SLC38A1: variants seen among roughly 807,000 people sequenced by gnomAD.
SLC38A1 encodes the protein solute carrier family 38 member 1, also known as sodium-coupled neutral amino acid symporter 1.
SLC38A1 carries 18 observed loss-of-function variants against 60.3 expected under a neutral mutation model. The ratio of observed to expected loss-of-function variants is 0.30; its 90% CI spans 0.21 to 0.44. The LOEUF (loss-of-function observed/expected upper bound fraction) is 0.44, where lower values mean the gene tolerates loss of function less well. SLC38A1 is among the 20% of genes least tolerant of loss of function. The pLI is 1.00. For missense variants in SLC38A1, 448 were observed against 587.2 expected (o/e 0.76, Z 2.45); for synonymous variants, 196 against 212.1 (o/e 0.92, Z 0.66).
intron 3 of SLC38A1, among the ~76,000 whole-genome samples, chr12:46,235,527 T>C (rs962687): frequency 6.6e-6 from 1 of 152,104 alleles, no homozygotes; most frequent in Non-Finnish European, 1.5e-5. Flanking sequence ...GATGGACAAA[T>C]TCCACTGAAA....
intron 16 of SLC38A1, among the ~76,000 whole-genome samples, chr12:46,193,021 G>A (rs1939211268): frequency 6.6e-6 from 1 of 152,176 alleles, no homozygotes; most frequent in Admixed American, 6.5e-5. Context: ...TAATTGTGAT[G>A]TAGGGGTGTC....
At chr12:46,192,552 T>C (rs891052425) in intron 16 of SLC38A1, among the ~76,000 whole-genome samples, 1 of 152,148 alleles carries the variant, frequency 6.6e-6, no homozygotes, top group Non-Finnish European at 1.5e-5. Flanking sequence ...CTCTGATTCC[T>C]TCTGGTCCTG....
At chr12:46,234,261 G>C (rs1258497597) in intron 3 of SLC38A1, among the ~76,000 whole-genome samples, 1 of 152,144 alleles carries the variant, frequency 6.6e-6, no homozygotes, top group African/African-American at 2.4e-5. Flanking sequence ...GCAACTCAGA[G>C]GAGCTCTCCA....
intron 8 of SLC38A1, 140 bp from the exon 9 acceptor site, chr12:46,206,302 G>T (rs937164658): frequency 2.4e-5 from 12 of 499,150 alleles, no homozygotes; most frequent in Admixed American, 2.2e-4. Flanking sequence ...CATTATTCAG[G>T]TCTTATCCAA....
Position 46,195,327 on chromosome 12 carries a change from G to A in SLC38A1, c.1362+2393C>T, listed in dbSNP as rs540596904. On this transcript the variant is annotated intron_variant, in intron 16 of 16. Coordinates refer to ENST00000398637, the MANE Select transcript of SLC38A1 (RefSeq NM_030674.4). ...CCTCTGGAAGCTTCGTCCCAGAGGG[G>A]CACCCACGTGTTTGAGGTATCTCTC... Among the ~76,000 whole-genome samples, 11 of 152,290 alleles carry A rather than the reference G, an allele frequency of 7.2e-5. No individual in the cohort carries two copies. In the East Asian group the frequency reaches 1.2e-3, roughly 16 times the overall value.
intron 12 of SLC38A1, among the ~76,000 whole-genome samples, chr12:46,201,478 A>T (rs1173288612): frequency 6.6e-6 from 1 of 152,134 alleles, no homozygotes; most frequent in African/African-American, 2.4e-5. Flanking sequence ...CATTTTTTTA[A>T]TATTTGTGCT....
rs927351109 is a variant in SLC38A1, at chr12:46,185,490, T to A, written c.*3480A>T. 6.6e-6 allele frequency: 1 copy of A among 152,010 alleles called. No homozygotes were observed. Among genetic ancestry groups the A allele is most frequent in the Admixed American group, 6.6e-5 (1 of 15,248 alleles). 9.4% of individuals were successfully genotyped at this position (152,010 alleles called of 1,614,324 possible). Reference sequence around the variant, plus strand: ...TGGAGAGGTTTTTTTTTCCCCCTTTTTTCTTGTTTTCTAACCTCCCAGCTT... The same window carrying A: ...TGGAGAGGTTTTTTTTTCCCCCTTTATTCTTGTTTTCTAACCTCCCAGCTT... On this transcript the variant is annotated 3_prime_UTR_variant, in exon 17 of 17. Coordinates refer to ENST00000398637, the MANE Select transcript of SLC38A1 (RefSeq NM_030674.4).
intron 5 of SLC38A1, among the ~76,000 whole-genome samples, chr12:46,225,697 T>C (rs1940837411): frequency 6.6e-6 from 1 of 152,186 alleles, no homozygotes; most frequent in South Asian, 2.1e-4. Context: ...GCCCCACTCA[T>C]GTGCGCCAGG....
At chr12:46,190,367 A>G (rs556550891) in intron 16 of SLC38A1, among the ~76,000 whole-genome samples, 308 of 152,234 alleles carry the variant, frequency 2.0e-3, no homozygotes, top group Middle Eastern at 6.8e-3. Context: ...CCAAGTCTTC[A>G]CTATTGTGAA....
At chr12:46,263,378 T>C (rs928142271) in intron 1 of SLC38A1, among the ~76,000 whole-genome samples, 2 of 152,172 alleles carry the variant, frequency 1.3e-5, no homozygotes, top group African/African-American at 2.4e-5. Flanking sequence ...ATGAGCCTGG[T>C]CTTTTTATTT....
In SLC38A1 at chr12:46,215,032, G is replaced by A. The variant is rs146282710; in HGVS notation, c.315-5905C>T. On this transcript the variant is annotated intron_variant, in intron 5 of 16. Coordinates refer to ENST00000398637, the MANE Select transcript of SLC38A1 (RefSeq NM_030674.4). ...TAACGTGTGTGCAAATTAGGATCTT[G>A]TTAAAATGGATGGGTCGGGACCTGA... 3.9e-5 allele frequency among the ~76,000 whole-genome samples: 6 copies of A among 152,358 alleles called. No homozygotes were observed. The East Asian group carries it at 1.2e-3, about 29-fold the overall frequency.
At chr12:46,242,350 A>G (rs1408322179) in intron 2 of SLC38A1, among the ~76,000 whole-genome samples, 1 of 152,250 alleles carries the variant, frequency 6.6e-6, no homozygotes, top group African/African-American at 2.4e-5. Flanking sequence ...CTTATCATAT[A>G]TTTATTGAGC....
chr12:46,247,511 G>C (rs560613701), intron 1 of SLC38A1, among the ~76,000 whole-genome samples: 96 of 152,306 alleles, frequency 6.3e-4, no homozygotes, highest in African/African-American at 2.1e-3. Context: ...AATGAACAAA[G>C]CCTCCAAGAA....
At chr12:46,267,511 C>T (rs1211504259) in intron 1 of SLC38A1, 7 of 152,420 alleles carry the variant, frequency 4.6e-5, no homozygotes, top group Admixed American at 4.6e-4. Flanking sequence ...CAGTTCAGCA[C>T]AAACCTCAGG....
At chr12:46,214,817 G>A (rs992325900) in intron 5 of SLC38A1, among the ~76,000 whole-genome samples, 2 of 152,158 alleles carry the variant, frequency 1.3e-5, no homozygotes, top group Non-Finnish European at 2.9e-5. Flanking sequence ...CTTTGGTAGG[G>A]GTGGAGGTAA....
At chr12:46,246,146 G>A (rs970498150) in intron 1 of SLC38A1, among the ~76,000 whole-genome samples, 1 of 152,182 alleles carries the variant, frequency 6.6e-6, no homozygotes, top group African/African-American at 2.4e-5. Context: ...TCATCTCATT[G>A]GGACTGGTTG....
At position 46,188,411 on chromosome 12, in the gene SLC38A1, GCT is replaced by G. The variant is rs1939011013; in HGVS notation, c.*557_*558del. ...CAGAGCCACCTCAAATATTGGGCAT[GCT>G]CTGATTCAGCAGTGGCAGTGCCCTA... On this transcript the variant is annotated 3_prime_UTR_variant, in exon 17 of 17. Transcript: ENST00000398637. The G allele has an allele frequency of 6.5e-6, 1 of 152,940 alleles. No individual in the cohort carries two copies. Among genetic ancestry groups the G allele is most frequent in the African/African-American group, 2.4e-5 (1 of 41,568 alleles). 9.5% of individuals were successfully genotyped at this position (152,940 alleles called of 1,614,324 possible).
chr12:46,192,252 T>C (rs893118594), intron 16 of SLC38A1, among the ~76,000 whole-genome samples: 1 of 152,250 alleles, frequency 6.6e-6, no homozygotes, highest in Non-Finnish European at 1.5e-5. Flanking sequence ...TTTGCATATG[T>C]TGAAGCAGCC....
intron 1 of SLC38A1, among the ~76,000 whole-genome samples, chr12:46,249,995 C>T (rs935241685): frequency 2.0e-5 from 3 of 152,090 alleles, no homozygotes; most frequent in African/African-American, 4.8e-5. Flanking sequence ...TTATGAGGCC[C>T]TCATCATCTG....
Sources: allele counts gnomAD v4.1 joint callset (sites outside exome capture counted in the v4.1 genomes callset), GRCh38; gene constraint gnomAD v4.1.1; transcripts MANE v1.5; gene names NCBI Gene and HGNC (gene_info 2026-07-23, HGNC 2026-07-21).